SLC1A2: variants seen among roughly 807,000 people sequenced by gnomAD.
SLC1A2 encodes the protein solute carrier family 1 member 2, also known as excitatory amino acid transporter 2.
Under a neutral mutation model 48.8 loss-of-function variants are expected in SLC1A2, and 15 were observed. The observed-to-expected ratio is 0.31, with a 90% CI of 0.21 to 0.47. SLC1A2 has a LOEUF of 0.47. SLC1A2 is among the 20% of genes least tolerant of loss of function. The pLI, the probability that SLC1A2 is intolerant of heterozygous loss-of-function variation, is 0.99. For missense variants in SLC1A2, 502 were observed against 730.5 expected, an observed-to-expected ratio of 0.69 and a Z score of 3.61; for synonymous variants, 279 against 272.6, an observed-to-expected ratio of 1.02 and a Z score of -0.23.
chr11:35,309,937 C>T (rs1159614516), intron 4 of SLC1A2, among the ~76,000 whole-genome samples: 2 of 152,162 alleles, frequency 1.3e-5, no homozygotes, highest in Non-Finnish European at 1.5e-5. Flanking sequence ...TGAATTTTGG[C>T]AATAGAAAGT....
chr11:35,361,752 G>C (rs1853687817), intron 1 of SLC1A2, among the ~76,000 whole-genome samples: 1 of 152,148 alleles, frequency 6.6e-6, no homozygotes, highest in Admixed American at 6.5e-5. Context: ...CTAGGCAGGA[G>C]GACTCCTTGA....
At chr11:35,284,087 T>TTA (rs34252173) in intron 8 of SLC1A2, among the ~76,000 whole-genome samples, 44,434 of 115,698 alleles carry the variant, frequency 0.38, 9,202 homozygotes, top group East Asian at 0.6. Context: ...GAAGATTTTA[T>TTA]TATATATATA....
chr11:35,343,380 T>C (rs1187840236), intron 1 of SLC1A2, among the ~76,000 whole-genome samples: 1 of 152,164 alleles, frequency 6.6e-6, no homozygotes, highest in Non-Finnish European at 1.5e-5. Flanking sequence ...CCATATTTGG[T>C]GTAAAAATGG....
rs114635593 is a variant in SLC1A2, at chr11:35,320,053, C to T, written c.18-2537G>A. Among the ~76,000 whole-genome samples the T allele has an allele frequency of 2.3e-3, 349 of 152,306 alleles. 4 individuals are homozygous for T. Among genetic ancestry groups the T allele is most frequent in the African/African-American group, 8.2e-3 (341 of 41,560 alleles). The stretch of plus-strand genomic sequence containing the variant: ...CTATTCTAATTAGTCTAACTAATCA[C>T]TACGTCTCCCAGAACACAAACAGAG... On this transcript the variant is annotated intron_variant, in intron 1 of 10. Transcript: ENST00000278379.
intron 1 of SLC1A2, among the ~76,000 whole-genome samples, chr11:35,400,224 G>A (rs751354690): frequency 1.3e-5 from 2 of 152,144 alleles, no homozygotes; most frequent in Non-Finnish European, 2.9e-5. Context: ...CATGCAAAAC[G>A]TTTATAATAG....
intron 7 of SLC1A2, among the ~76,000 whole-genome samples, chr11:35,290,267 T>C (rs1347822422): frequency 2.0e-5 from 3 of 152,192 alleles, no homozygotes; most frequent in Non-Finnish European, 4.4e-5. Context: ...GTAAGGATGT[T>C]TGTCACAGCC....
At chr11:35,304,448 G>A (rs758616561) in intron 5 of SLC1A2, among the ~76,000 whole-genome samples, 6 of 152,178 alleles carry the variant, frequency 3.9e-5, no homozygotes, top group Non-Finnish European at 7.3e-5. Flanking sequence ...TGAGGGAGAA[G>A]AGCTGCTCGG....
intron 1 of SLC1A2, among the ~76,000 whole-genome samples, chr11:35,392,998 C>G (rs1315507508): frequency 6.6e-6 from 1 of 152,162 alleles, no homozygotes; most frequent in Non-Finnish European, 1.5e-5. Flanking sequence ...ATCGTTACAA[C>G]CGTCCAAGAT....
intron 1 of SLC1A2, among the ~76,000 whole-genome samples, chr11:35,384,594 T>C (rs1254759355): frequency 6.6e-6 from 1 of 152,338 alleles, no homozygotes; most frequent in African/African-American, 2.4e-5. Context: ...TAGAAGATAT[T>C]GATTCATCAT....
chr11:35,271,955 A>C (rs1394975499), intron 9 of SLC1A2, among the ~76,000 whole-genome samples: 3 of 152,316 alleles, frequency 2.0e-5, no homozygotes, highest in South Asian at 2.1e-4. Flanking sequence ...TAAAAAATGG[A>C]AAGTGAAGTG....
intron 1 of SLC1A2, among the ~76,000 whole-genome samples, chr11:35,359,521 T>A (rs1475277938): frequency 6.6e-6 from 1 of 152,224 alleles, no homozygotes; most frequent in Non-Finnish European, 1.5e-5. Flanking sequence ...CCAAGGTCAC[T>A]GTTTGTTTGG....
At chr11:35,359,967 C>T (rs1853618344) in intron 1 of SLC1A2, 2 of 348,778 alleles carry the variant, frequency 5.7e-6, no homozygotes, top group Non-Finnish European at 8.1e-6. Context: ...TCTCCTCCCT[C>T]TCCAGGAATG....
chr11:35,252,181 T>G lies in SLC1A2; in HGVS notation c.*8713A>C, dbSNP rs770934773. On this transcript the variant is annotated 3_prime_UTR_variant, in exon 11 of 11. Coordinates refer to ENST00000278379, the MANE Select transcript of SLC1A2 (RefSeq NM_004171.4). ...GCTTTCGTAGGGTTTCACCTGCAGA[T>G]GCATTTGCAGTTAGTTAGTCAGCAA... 3 of 152,608 alleles carry G rather than the reference T, an allele frequency of 2.0e-5. No individual in the cohort carries two copies. Among genetic ancestry groups the G allele is most frequent in the African/African-American group, 7.2e-5 (3 of 41,438 alleles). The allele number at this position is 152,608 out of a possible 1,614,324, so 9.5% of individuals were successfully genotyped here. A position where few individuals can be genotyped will look rare whatever the true frequency, so the allele number is the denominator to read the frequency against.
intron 1 of SLC1A2, among the ~76,000 whole-genome samples, chr11:35,353,488 G>A (rs1853340757): frequency 1.3e-5 from 2 of 152,152 alleles, no homozygotes; most frequent in Admixed American, 6.5e-5. Context: ...TACCCTTCTT[G>A]AGAACAGAAT....
At chr11:35,345,901 C>G (rs1304231627) in intron 1 of SLC1A2, among the ~76,000 whole-genome samples, 3 of 152,142 alleles carry the variant, frequency 2.0e-5, no homozygotes, top group Non-Finnish European at 2.9e-5. Flanking sequence ...AACTCATTTT[C>G]TTAGTTAAAC....
intron 2 of SLC1A2, chr11:35,316,728 T>G (rs1348108378): frequency 6.6e-6 from 1 of 152,226 alleles, no homozygotes; most frequent in Non-Finnish European, 1.5e-5. Context: ...AACTGTATAT[T>G]GCCCCATTTT....
intron 1 of SLC1A2, among the ~76,000 whole-genome samples, chr11:35,413,230 C>A (rs1411181533): frequency 6.6e-6 from 1 of 152,180 alleles, no homozygotes; most frequent in Non-Finnish European, 1.5e-5. Flanking sequence ...CATTCCTCAG[C>A]CCCAGTTAAC....
intron 1 of SLC1A2, among the ~76,000 whole-genome samples, chr11:35,372,036 T>C (rs1011584981): frequency 1.3e-5 from 2 of 152,198 alleles, no homozygotes; most frequent in African/African-American, 4.8e-5. Context: ...GGCTCCCCCA[T>C]CAGTCATGGT....
chr11:35,413,237 T>C (rs1855518979), intron 1 of SLC1A2, among the ~76,000 whole-genome samples: 1 of 152,202 alleles, frequency 6.6e-6, no homozygotes, highest in Non-Finnish European at 1.5e-5. Flanking sequence ...CAGCCCCAGT[T>C]AACCCCTGCC....
Sources: allele counts gnomAD v4.1 joint callset (sites outside exome capture counted in the v4.1 genomes callset), GRCh38; gene constraint gnomAD v4.1.1; transcripts MANE v1.5; gene names NCBI Gene and HGNC (gene_info 2026-07-23, HGNC 2026-07-21).